The following TRPC7 variants were observed in gnomAD, a reference collection of about 807,000 sequenced individuals.
The protein encoded by TRPC7 is transient receptor potential cation channel subfamily C member 7.
Under a neutral mutation model 90.1 loss-of-function variants are expected in TRPC7, and 42 were observed. That is an observed-to-expected ratio of 0.47 (90% CI 0.36 to 0.60). TRPC7 has a LOEUF of 0.60. TRPC7 is among the 20% of genes least tolerant of loss of function. TRPC7 has a pLI of 0.00. For synonymous variants in TRPC7, 451 were observed against 436.3 expected (o/e 1.03, Z -0.42); for missense variants, 955 against 1,112.3 (o/e 0.86, Z 2.01).
intron 8 of TRPC7, among the ~76,000 whole-genome samples, chr5:136,227,057 T>A (rs969894140): frequency 3.9e-5 from 6 of 152,192 alleles, no homozygotes; most frequent in Non-Finnish European, 8.8e-5. Flanking sequence ...AGATCTTGCA[T>A]ATGTAATTCA....
chr5:136,345,937 C>A lies in TRPC7; in HGVS notation c.780+10671G>T, dbSNP rs1282266810. Reference sequence around the variant, plus strand: ...ACATATGGCTAGCCAGTTTTCCCAGCACCATTTGTTAAATAGGGAATCCTT... The same window carrying A: ...ACATATGGCTAGCCAGTTTTCCCAGAACCATTTGTTAAATAGGGAATCCTT... On this transcript the variant is annotated intron_variant, in intron 2 of 11. Transcript: ENST00000513104. Among the ~76,000 whole-genome samples, 3 of 152,230 alleles carry A rather than the reference C, an allele frequency of 2.0e-5. 1 individual carries two copies. The South Asian group carries it at 6.2e-4, about 32-fold the overall frequency.
Position 136,276,468 on chromosome 5 carries a change from G to A in TRPC7, c.964-1631C>T, listed in dbSNP as rs74427816. Among the ~76,000 whole-genome samples the A allele has an allele frequency of 1.6e-3, 250 of 152,246 alleles. 8 individuals carry two copies. In the East Asian group the frequency reaches 0.047, roughly 29 times the overall value. On this transcript the variant is annotated intron_variant, in intron 3 of 11. Coordinates refer to ENST00000513104, the MANE Select transcript of TRPC7 (RefSeq NM_020389.3). ...GAAACATTCCCTTTTCATTACAAAA[G>A]CAATATAAATAGAGCTATTTTAAAA...
chr5:136,339,941 T>C (rs561867008), intron 2 of TRPC7, among the ~76,000 whole-genome samples: 1 of 150,304 alleles, frequency 6.7e-6, no homozygotes, highest in South Asian at 2.1e-4. Context: ...GCCATAGAAA[T>C]ACTAGAAGAG....
intron 3 of TRPC7, among the ~76,000 whole-genome samples, chr5:136,290,049 C>T (rs1757882436): frequency 6.6e-6 from 1 of 152,214 alleles, no homozygotes; most frequent in Admixed American, 6.5e-5. Flanking sequence ...AGTGGACCTC[C>T]AGTAAACTCC....
chr5:136,228,301 G>T (rs1021152973), intron 8 of TRPC7, among the ~76,000 whole-genome samples: 3 of 151,316 alleles, frequency 2.0e-5, no homozygotes, highest in Admixed American at 6.6e-5. Context: ...GGGGTGGGGG[G>T]TAGGGAATTT....
intron 3 of TRPC7, among the ~76,000 whole-genome samples, chr5:136,285,696 G>A (rs1757690054): frequency 6.6e-6 from 1 of 152,210 alleles, no homozygotes; most frequent in South Asian, 2.1e-4. Context: ...ATGACTCAGA[G>A]GATGCAAGGC....
In TRPC7 at chr5:136,242,263, C is replaced by A. The variant is rs150772473; in HGVS notation, c.1844+5208G>T. On this transcript the variant is annotated intron_variant, in intron 7 of 11. Transcript: ENST00000513104. ...AACCTTGTCTGAACATTTTTCCTTT[C>A]CTCACCTGTGGTCATTTTCAGTTTC... is the stretch of plus-strand genomic sequence containing the variant. Among the ~76,000 whole-genome samples, 357 of 152,280 alleles carry A rather than the reference C, an allele frequency of 2.3e-3. 3 individuals carry two copies. Among genetic ancestry groups the A allele is most frequent in the African/African-American group, 8.3e-3 (346 of 41,562 alleles).
At chr5:136,222,790 C>G (rs1287143268) in intron 10 of TRPC7, among the ~76,000 whole-genome samples, 2 of 152,186 alleles carry the variant, frequency 1.3e-5, no homozygotes, top group Admixed American at 6.5e-5. Flanking sequence ...AGAGGGGGGG[C>G]CCTCTGAGTC....
At chr5:136,350,517 G>T (rs1760158369) in intron 2 of TRPC7, among the ~76,000 whole-genome samples, 1 of 152,126 alleles carries the variant, frequency 6.6e-6, no homozygotes, top group Non-Finnish European at 1.5e-5. Context: ...TGTTATTAAA[G>T]GACACATTAA....
At chr5:136,312,550 T>C (rs929377764) in intron 3 of TRPC7, among the ~76,000 whole-genome samples, 3 of 152,138 alleles carry the variant, frequency 2.0e-5, no homozygotes, top group Non-Finnish European at 4.4e-5. Flanking sequence ...AAATGGGGAA[T>C]GAAACTCAGA....
At chr5:136,352,248 T>A (rs1209037768) in intron 2 of TRPC7, among the ~76,000 whole-genome samples, 4 of 152,208 alleles carry the variant, frequency 2.6e-5, no homozygotes. Flanking sequence ...AACCTCACTC[T>A]ACAATATTCC....
intron 2 of TRPC7, among the ~76,000 whole-genome samples, chr5:136,336,202 C>T (rs1759656647): frequency 6.6e-6 from 1 of 152,184 alleles, no homozygotes. Flanking sequence ...TTGCTGTCTC[C>T]TCTGTGTTCT....
Position 136,302,678 on chromosome 5 carries a change from C to T in TRPC7, c.963+12919G>A, listed in dbSNP as rs563661226. On this transcript the variant is annotated intron_variant, in intron 3 of 11. Coordinates refer to ENST00000513104, the MANE Select transcript of TRPC7 (RefSeq NM_020389.3). ...CATCTTATTTTCTTCTGCAATGCTGCTTGACACCAAAACAAACTCGACAGT... is the reference window on the plus strand; with the variant it reads ...CATCTTATTTTCTTCTGCAATGCTGTTTGACACCAAAACAAACTCGACAGT... Among the ~76,000 whole-genome samples the T allele has an allele frequency of 2.6e-5, 4 of 152,312 alleles. No individual in the cohort carries two copies. In the South Asian group the frequency reaches 8.3e-4, roughly 32 times the overall value.
chr5:136,351,655 A>G (rs991175783), intron 2 of TRPC7, among the ~76,000 whole-genome samples: 1 of 151,720 alleles, frequency 6.6e-6, no homozygotes, highest in Admixed American at 6.6e-5. Context: ...CCTTCTCCTC[A>G]CTCTTCCCCT....
intron 2 of TRPC7, among the ~76,000 whole-genome samples, chr5:136,337,394 G>T (rs553787374): frequency 2.0e-5 from 3 of 152,262 alleles, no homozygotes; most frequent in East Asian, 1.9e-4. Context: ...AGGGCCAGGC[G>T]TGGTGGCTCA....
intron 7 of TRPC7, among the ~76,000 whole-genome samples, chr5:136,242,917 G>C (rs1756215244): frequency 6.6e-6 from 1 of 152,146 alleles, no homozygotes; most frequent in Admixed American, 6.5e-5. Flanking sequence ...TTCACACCTT[G>C]GGCTAAACCA....
chr5:136,254,175 A>G (rs748124312), intron 5 of TRPC7, among the ~76,000 whole-genome samples: 1 of 152,272 alleles, frequency 6.6e-6, no homozygotes, highest in Non-Finnish European at 1.5e-5. Flanking sequence ...GTGCTGATGC[A>G]GAAGCTGCAA....
chr5:136,255,279 AGT>A (rs1223852050), intron 5 of TRPC7, among the ~76,000 whole-genome samples: 2 of 152,218 alleles, frequency 1.3e-5, no homozygotes, highest in Non-Finnish European at 2.9e-5. Flanking sequence ...AGAGATCTTT[AGT>A]GAAAGGAAAA....
intron 3 of TRPC7, among the ~76,000 whole-genome samples, chr5:136,305,481 C>T (rs1412737976): frequency 3.3e-5 from 5 of 152,072 alleles, no homozygotes; most frequent in African/African-American, 1.2e-4. Context: ...AGGCCCCCTC[C>T]CTTCCCTACA....
Sources: gnomAD v4.1 joint callset for allele counts (sites outside exome capture counted in the v4.1 genomes callset) on GRCh38, gnomAD v4.1.1 for gene constraint, MANE v1.5 for transcripts, NCBI Gene and HGNC (gene_info 2026-07-23, HGNC 2026-07-21) for gene names.